Variants in SMIM7 observed in about 807,000 individuals in gnomAD.
The protein encoded by SMIM7 is UPF0608 protein C19orf42.
A neutral mutation model predicts 13.3 loss-of-function variants in SMIM7; 12 were observed. The ratio of observed to expected loss-of-function variants is 0.90; its 90% CI spans 0.58 to 1.46. The LOEUF (loss-of-function observed/expected upper bound fraction) is 1.46. SMIM7 is among the 40% of genes most tolerant of loss of function. The pLI is 0.00. For synonymous variants in SMIM7, 36 were observed against 35.8 expected (o/e 1.01, Z -0.02); for missense variants, 114 against 94.8 (o/e 1.20, Z -0.84).
chr19:16,647,654 C>A (rs577184107), intron 4 of SMIM7, among the ~76,000 whole-genome samples: 1 of 151,850 alleles, frequency 6.6e-6, no homozygotes, highest in African/African-American at 2.4e-5. Context: ...TGGGGTTTCA[C>A]CATGTTGGCT....
intron 4 of SMIM7, among the ~76,000 whole-genome samples, chr19:16,648,552 A>G (rs1279770042): frequency 6.6e-6 from 1 of 152,220 alleles, no homozygotes; most frequent in Non-Finnish European, 1.5e-5. Flanking sequence ...ATGGACTGAT[A>G]ACGAGAATAC....
chr19:16,648,245 A>AT (rs2086475469), intron 4 of SMIM7, among the ~76,000 whole-genome samples: 1 of 152,010 alleles, frequency 6.6e-6, no homozygotes, highest in South Asian at 2.1e-4. Flanking sequence ...GGTTCAAGCG[A>AT]TTCTCATGCC....
In SMIM7 at chr19:16,647,096, C is replaced by G; in HGVS notation, c.*150G>C. ...GACGTGGCTGGGAAACCATGCACACCTCGGCGAACACTTTTCCACCCACCA... is the reference window on the plus strand; with the variant it reads ...GACGTGGCTGGGAAACCATGCACACGTCGGCGAACACTTTTCCACCCACCA... On this transcript the variant is annotated 3_prime_UTR_variant, in exon 5 of 5. Transcript: ENST00000487416. 3 of 962,142 alleles carry G rather than the reference C, an allele frequency of 3.1e-6. No individual in the cohort carries two copies. The highest frequency in any genetic ancestry group is 4.9e-6 in the Non-Finnish European group (3 of 614,706). 59.6% of individuals were successfully genotyped at this position (962,142 alleles called of 1,614,324 possible).
chr19:16,631,773 A>T (rs1179277879), intron 4 of SMIM7: 1 of 152,142 alleles, frequency 6.6e-6, no homozygotes, highest in Non-Finnish European at 1.5e-5. Context: ...TTACCCTAAT[A>T]AGGGATGTGA....
chr19:16,640,782 C>T (rs1325836012), downstream of SMIM7: 1 of 152,100 alleles, frequency 6.6e-6, no homozygotes, highest in East Asian at 1.9e-4. Flanking sequence ...AAAATACCAA[C>T]ATTATCCAGG....
At chr19:16,659,306 A>ATT in intron 3 of SMIM7, 89 bp downstream of exon 3, 5 of 852,130 alleles carry the variant, frequency 5.9e-6, no homozygotes, top group South Asian at 1.6e-5. Context: ...AAAAAAAAAG[A>ATT]GAAAGAAAGA....
chr19:16,633,547 C>T (rs1375652576), intron 4 of SMIM7, among the ~76,000 whole-genome samples: 4 of 150,636 alleles, frequency 2.7e-5, no homozygotes, highest in African/African-American at 9.8e-5. Context: ...TAAGTGTGTG[C>T]GTGTGTGTGT....
chr19:16,635,405 C>T (rs569814781), intron 4 of SMIM7: 1 of 151,522 alleles, frequency 6.6e-6, no homozygotes, highest in South Asian at 2.1e-4. Flanking sequence ...TCAGGGTTCC[C>T]AGACTCTGAA....
chr19:16,636,788 C>CA (rs1040458849), intron 4 of SMIM7, among the ~76,000 whole-genome samples: 34 of 151,214 alleles, frequency 2.2e-4, no homozygotes, highest in Admixed American at 1.2e-3. Flanking sequence ...CCCATCTCTA[C>CA]AAAAAAAATA....
intron 4 of SMIM7, among the ~76,000 whole-genome samples, chr19:16,633,577 C>G (rs1003514295): frequency 6.6e-6 from 1 of 150,986 alleles, no homozygotes; most frequent in African/African-American, 2.4e-5. Context: ...ACTAAGAAAA[C>G]CTGTATTGAG....
chr19:16,646,062 G>A (rs567292331), downstream of SMIM7: 1 of 150,328 alleles, frequency 6.7e-6, no homozygotes, highest in Non-Finnish European at 1.5e-5. Context: ...ATGAATCCTA[G>A]GTTTTTCCAG....
At chr19:16,653,751 C>T (rs377672397) in intron 4 of SMIM7, 6 of 412,694 alleles carry the variant, frequency 1.5e-5, no homozygotes, top group East Asian at 4.4e-5. Context: ...AAAAATCAGC[C>T]GTGTGTGGTG....
intron 4 of SMIM7, among the ~76,000 whole-genome samples, chr19:16,650,766 T>C (rs2086514517): frequency 6.7e-6 from 1 of 150,174 alleles, no homozygotes; most frequent in South Asian, 2.1e-4. Flanking sequence ...ATGCCCAGGC[T>C]CTGCCAATTT....
At chr19:16,659,160 G>A (rs1054572320) in intron 3 of SMIM7, 8 of 587,646 alleles carry the variant, frequency 1.4e-5, no homozygotes, top group Non-Finnish European at 2.4e-5. Context: ...GCACACACCT[G>A]TAATCCCAGC....
intron 4 of SMIM7, among the ~76,000 whole-genome samples, chr19:16,636,850 G>C (rs1423901847): frequency 6.6e-6 from 1 of 152,154 alleles, no homozygotes; most frequent in Non-Finnish European, 1.5e-5. Flanking sequence ...CTACTCAGGA[G>C]GCTGATGTGG....
Position 16,646,816 on chromosome 19 carries a change from A to G in SMIM7, c.*430T>C, listed in dbSNP as rs2086454383. Reference sequence around the variant, plus strand: ...CAAGCAGACCCTGTTGGGATGTGAAAGCAGTTTGTTAACAGGGCCCCTGGC... The same window carrying G: ...CAAGCAGACCCTGTTGGGATGTGAAGGCAGTTTGTTAACAGGGCCCCTGGC... On this transcript the variant is annotated 3_prime_UTR_variant, in exon 5 of 5. Coordinates refer to ENST00000487416, the MANE Select transcript of SMIM7 (RefSeq NM_024104.4). The G allele has an allele frequency of 4.3e-6, 1 of 230,688 alleles. No homozygotes were observed. The highest frequency in any genetic ancestry group is 8.8e-6 in the Non-Finnish European group (1 of 113,190). 14.3% of individuals were successfully genotyped at this position (230,688 alleles called of 1,614,324 possible). A position where few individuals can be genotyped will look rare whatever the true frequency, so the allele number is the denominator to read the frequency against.
intron 3 of SMIM7, chr19:16,659,155 C>A (rs909564488): frequency 2.4e-5 from 14 of 576,596 alleles, no homozygotes; most frequent in Non-Finnish European, 4.0e-5. Flanking sequence ...TGGTGGCACA[C>A]ACCTGTAATC....
chr19:16,651,852 GATGAGA>G (rs1305178822), intron 4 of SMIM7, among the ~76,000 whole-genome samples: 6 of 142,312 alleles, frequency 4.2e-5, no homozygotes, highest in Middle Eastern at 4.3e-3. Flanking sequence ...CCTTTGCAAA[GATGAGA>G]ATGAGAAGCA....
Position 16,650,246 on chromosome 19 carries a change from T to C in SMIM7, c.213-2985A>G, listed in dbSNP as rs567105291. ...CTACATTCTGCAATTAACACTTTGC[T>C]GTACCACATACCTATCCATCTATCT... On this transcript the variant is annotated intron_variant, in intron 4 of 4. Transcript: ENST00000487416. 3.9e-5 allele frequency among the ~76,000 whole-genome samples: 6 copies of C among 152,370 alleles called. No homozygotes were observed. The South Asian group carries it at 1.2e-3, about 32-fold the overall frequency.
Sources: allele counts gnomAD v4.1 joint callset (sites outside exome capture counted in the v4.1 genomes callset), GRCh38; gene constraint gnomAD v4.1.1; transcripts MANE v1.5; gene names NCBI Gene and HGNC (gene_info 2026-07-23, HGNC 2026-07-21).